CCDC85C: variants seen among roughly 807,000 people sequenced by gnomAD.
CCDC85C encodes coiled-coil domain-containing protein 85C.
A neutral mutation model predicts 38.3 loss-of-function variants in CCDC85C; 18 were observed. The observed-to-expected ratio is 0.47, with a 90% CI of 0.33 to 0.70. The LOEUF is 0.70. Ranked by LOEUF, CCDC85C falls within the 30% of genes least tolerant of loss-of-function variation. The pLI is 0.03. For synonymous variants in CCDC85C, 264 were observed against 293.8 expected, an observed-to-expected ratio of 0.90 and a Z score of 1.04; for missense variants, 566 against 621.2, an observed-to-expected ratio of 0.91 and a Z score of 0.94.
In CCDC85C at chr14:99,502,635, G is replaced by A. The variant is rs1405524086; in HGVS notation, c.*12611C>T. 6 of 1,334,224 alleles carry A rather than the reference G, an allele frequency of 4.5e-6. No homozygotes were observed. In the African/African-American group the frequency reaches 7.3e-5, roughly 16 times the overall value. 82.6% of individuals were successfully genotyped at this position (1,334,224 alleles called of 1,614,324 possible). A position where few individuals can be genotyped will look rare whatever the true frequency, so the allele number is the denominator to read the frequency against. On this transcript the variant is annotated 3_prime_UTR_variant, in exon 6 of 6. Transcript: ENST00000380243. The stretch of plus-strand genomic sequence containing the variant: ...TGATTCATGCTTAGGTCCTCGTAGG[G>A]GTATCATAACTGATTCTTTATCCAG...
At chr14:99,552,458 CTGAG>C (rs1392546324) in intron 1 of CCDC85C, among the ~76,000 whole-genome samples, 3 of 152,182 alleles carry the variant, frequency 2.0e-5, no homozygotes, top group African/African-American at 7.2e-5. Context: ...TCTGTGCTGG[CTGAG>C]TGTGTTGGGC....
At chr14:99,562,259 C>G (rs1898132001) in intron 1 of CCDC85C, among the ~76,000 whole-genome samples, 1 of 152,168 alleles carries the variant, frequency 6.6e-6, no homozygotes, top group Non-Finnish European at 1.5e-5. Flanking sequence ...GGTCCTGCTC[C>G]CCATTTCATC....
At chr14:99,530,482 C>G (rs77589031) in intron 2 of CCDC85C, among the ~76,000 whole-genome samples, 1 of 152,152 alleles carries the variant, frequency 6.6e-6, no homozygotes, top group South Asian at 2.1e-4. Flanking sequence ...CCAGCATCTC[C>G]GGAGGAACCC....
At chr14:99,580,686 G>A (rs1029862672) in intron 1 of CCDC85C, among the ~76,000 whole-genome samples, 1 of 152,056 alleles carries the variant, frequency 6.6e-6, no homozygotes, top group African/African-American at 2.4e-5. Flanking sequence ...CCAACATGGT[G>A]AAACCCCACC....
chr14:99,524,605 C>T (rs1396396769), intron 2 of CCDC85C, among the ~76,000 whole-genome samples: 1 of 152,232 alleles, frequency 6.6e-6, no homozygotes, highest in African/African-American at 2.4e-5. Context: ...CACAATCTCT[C>T]ATTAAGGGGC....
chr14:99,545,491 G>A lies in CCDC85C; in HGVS notation c.794-9403C>T, dbSNP rs1270752657. ...AAAACTGTGTAATTGCTTCAAATAT[G>A]GGGACAAGGGGAAAAGAATTCCTTC... On this transcript the variant is annotated intron_variant, in intron 1 of 5. Coordinates refer to ENST00000380243, the MANE Select transcript of CCDC85C (RefSeq NM_001144995.2). The surrounding 1 kb of genome is among the most constrained non-coding windows in gnomAD (Gnocchi z 4.7). 6.6e-6 allele frequency among the ~76,000 whole-genome samples: 1 copy of A among 152,104 alleles called. No homozygotes were observed. The highest frequency in any genetic ancestry group is 2.4e-5 in the African/African-American group (1 of 41,420).
At chr14:99,579,958 A>G (rs2054947569) in intron 1 of CCDC85C, 1 of 429,850 alleles carries the variant, frequency 2.3e-6, no homozygotes, top group Admixed American at 2.5e-5. Context: ...AGTCTTGGCC[A>G]GGGTAGGGCA....
rs1283647649 is a variant in CCDC85C at position 99,544,129 on chromosome 14, C to T, written c.794-8041G>A. On this transcript the variant is annotated intron_variant, in intron 1 of 5. Transcript: ENST00000380243. This position sits in a 1 kb window ranked among gnomAD's most constrained non-coding sequence, Gnocchi z 5.3. ...ATCACACCAAGCTGACGAGGGACAT[C>T]CTGTAACTGCTACCACTGTGTCATC... Among the ~76,000 whole-genome samples the T allele has an allele frequency of 6.6e-6, 1 of 152,190 alleles. No homozygotes were observed. The highest frequency in any genetic ancestry group is 2.4e-5 in the African/African-American group (1 of 41,440).
At chr14:99,521,634 C>CA (rs769651932) in intron 3 of CCDC85C, among the ~76,000 whole-genome samples, 59 of 152,334 alleles carry the variant, frequency 3.9e-4, no homozygotes, top group South Asian at 8.3e-4. Flanking sequence ...TGTGGCTCCC[C>CA]ACTGCCATCA....
rs527801520 is a variant in CCDC85C at position 99,514,907 on chromosome 14, G to T, written c.*339C>A. Reference sequence around the variant, plus strand: ...CCTCCATCCCAGGCAGGACAGAGGAGCCTGGACAGTTCCCAGGCTGGATCT... The same window carrying T: ...CCTCCATCCCAGGCAGGACAGAGGATCCTGGACAGTTCCCAGGCTGGATCT... On this transcript the variant is annotated 3_prime_UTR_variant, in exon 6 of 6. Coordinates refer to ENST00000380243, the MANE Select transcript of CCDC85C (RefSeq NM_001144995.2). 1.2e-5 allele frequency: 3 copies of T among 253,502 alleles called. No individual in the cohort carries two copies. The highest frequency in any genetic ancestry group is 5.1e-5 in the South Asian group (1 of 19,544). The allele number at this position is 253,502 out of a possible 1,614,324, so 15.7% of individuals were successfully genotyped here. A position where few individuals can be genotyped will look rare whatever the true frequency, so the allele number is the denominator to read the frequency against.
rs528152988 is a variant in CCDC85C at position 99,589,136 on chromosome 14, A to G, written c.793+14031T>C. Among the ~76,000 whole-genome samples the G allele has an allele frequency of 2.0e-5, 3 of 152,154 alleles. No homozygotes were observed. The South Asian group carries it at 6.2e-4, about 32-fold the overall frequency. ...CTGAGGAGAGCAGGCAGGGGTGAGCACAGAGCCACGGCCCAGATCAACAGA... is the reference window on the plus strand; with the variant it reads ...CTGAGGAGAGCAGGCAGGGGTGAGCGCAGAGCCACGGCCCAGATCAACAGA... On this transcript the variant is annotated intron_variant, in intron 1 of 5. Coordinates refer to ENST00000380243, the MANE Select transcript of CCDC85C (RefSeq NM_001144995.2).
chr14:99,527,504 G>A (rs1439851850), intron 2 of CCDC85C, among the ~76,000 whole-genome samples: 4 of 152,198 alleles, frequency 2.6e-5, no homozygotes, highest in Non-Finnish European at 4.4e-5. Flanking sequence ...GCAGGAGAGT[G>A]GCCAGTGCCT....
At position 99,503,123 on chromosome 14, in the gene CCDC85C, T is replaced by G. The variant is rs1268749621; in HGVS notation, c.*12123A>C. On this transcript the variant is annotated 3_prime_UTR_variant, in exon 6 of 6. Coordinates refer to ENST00000380243, the MANE Select transcript of CCDC85C (RefSeq NM_001144995.2). ...CGCCGAAACTCGCAGTCCGACTGCT[T>G]GTCGGTGGGGAGCCTGAAAACAAAG... is the stretch of plus-strand genomic sequence containing the variant. The G allele has an allele frequency of 1.0e-6, 1 of 982,038 alleles. No individual in the cohort carries two copies. The highest frequency in any genetic ancestry group is 1.6e-6 in the Non-Finnish European group (1 of 621,974). 60.8% of individuals were successfully genotyped at this position (982,038 alleles called of 1,614,324 possible). A position where few individuals can be genotyped will look rare whatever the true frequency, so the allele number is the denominator to read the frequency against.
At chr14:99,597,447 T>C (rs1410925330) in intron 1 of CCDC85C, among the ~76,000 whole-genome samples, 1 of 152,160 alleles carries the variant, frequency 6.6e-6, no homozygotes, top group African/African-American at 2.4e-5. Flanking sequence ...CCCAGAGCTG[T>C]CTGGGGTGTC....
rs1220848741 is a variant in CCDC85C at position 99,572,050 on chromosome 14, A to G, written c.793+31117T>C. Among the ~76,000 whole-genome samples the G allele has an allele frequency of 6.6e-6, 1 of 152,136 alleles. No homozygotes were observed. The highest frequency in any genetic ancestry group is 1.5e-5 in the Non-Finnish European group (1 of 68,014). On this transcript the variant is annotated intron_variant, in intron 1 of 5. Coordinates refer to ENST00000380243, the MANE Select transcript of CCDC85C (RefSeq NM_001144995.2). The surrounding 1 kb of genome is among the most constrained non-coding windows in gnomAD (Gnocchi z 4.4). The stretch of plus-strand genomic sequence containing the variant: ...GGCACCCTTCCACGGGGCATCTCAG[A>G]GCGTGATCCCCAGAGCCCCCAACCC...
chr14:99,516,310 C>T lies in CCDC85C; in HGVS notation c.1072-24G>A, dbSNP rs2139895771. The T allele has an allele frequency of 6.5e-7, 1 of 1,530,788 alleles. No homozygotes were observed. Among genetic ancestry groups the T allele is most frequent in the African/African-American group, 1.4e-5 (1 of 72,760 alleles). The allele number at this position is 1,530,788 out of a possible 1,614,324, so 94.8% of individuals were successfully genotyped here. A position where few individuals can be genotyped will look rare whatever the true frequency, so the allele number is the denominator to read the frequency against. On this transcript the variant is annotated intron_variant, in intron 4 of 5. Coordinates refer to ENST00000380243, the MANE Select transcript of CCDC85C (RefSeq NM_001144995.2). This position sits in a 1 kb window ranked among gnomAD's most constrained non-coding sequence, Gnocchi z 5.5. ...ACCTGAAGGGAACGGGTCTCGGGGT[C>T]AGGGGCAGAGGCCACCGGCAGACCT... is the stretch of plus-strand genomic sequence containing the variant.
chr14:99,536,231 C>A, intron 1 of CCDC85C, 143 bp from the exon 2 acceptor site: 1 of 678,288 alleles, frequency 1.5e-6, no homozygotes, highest in Non-Finnish European at 2.7e-6. Context: ...CCCAGCCCCT[C>A]CGAGCCCTCG....
At chr14:99,560,082 A>G (rs2144808) in intron 1 of CCDC85C, among the ~76,000 whole-genome samples, 62,568 of 151,672 alleles carry the variant, frequency 0.41, 14,454 homozygotes, top group African/African-American at 0.61. Context: ...CCCTCCTTGT[A>G]GGAACCTACT....
In CCDC85C at chr14:99,603,136, A is replaced by T. The variant is rs1595114153; in HGVS notation, c.793+31T>A. 1 of 1,298,506 alleles carries T rather than the reference A, an allele frequency of 7.7e-7. No individual in the cohort carries two copies. Among genetic ancestry groups the T allele is most frequent in the Non-Finnish European group, 9.8e-7 (1 of 1,023,272 alleles). The allele number at this position is 1,298,506 out of a possible 1,614,324, so 80.4% of individuals were successfully genotyped here. The stretch of plus-strand genomic sequence containing the variant: ...TGGGAAAAGGGCTGCAGCCAGGGAG[A>T]CCCGCGCTGCCCGGCCCGTGTAGTC... On this transcript the variant is annotated intron_variant, in intron 1 of 5. Coordinates refer to ENST00000380243, the MANE Select transcript of CCDC85C (RefSeq NM_001144995.2). The surrounding 1 kb of genome is among the most constrained non-coding windows in gnomAD (Gnocchi z 7.5).
Sources: gnomAD v4.1 joint callset for allele counts (sites outside exome capture counted in the v4.1 genomes callset) on GRCh38, gnomAD v4.1.1 for gene constraint, Gnocchi (gnomAD v3.1) non-coding constraint, MANE v1.5 for transcripts, NCBI Gene and HGNC (gene_info 2026-07-23, HGNC 2026-07-21) for gene names.